Variants in NKIRAS1 observed in about 807,000 individuals in gnomAD.
NKIRAS1 encodes the protein NFKB inhibitor interacting Ras like 1.
NKIRAS1 carries 16 observed loss-of-function variants against 19.8 expected under a neutral mutation model. The ratio of observed to expected loss-of-function variants is 0.81; its 90% CI spans 0.55 to 1.23. The LOEUF (loss-of-function observed/expected upper bound fraction) is 1.23, where lower values mean the gene tolerates loss of function less well. Among genes scored for constraint, NKIRAS1 ranks in the 50% most tolerant of loss-of-function variants. The pLI, the probability that NKIRAS1 is intolerant of heterozygous loss-of-function variation, is 0.00. For missense variants in NKIRAS1, 184 were observed against 220.0 expected, an observed-to-expected ratio of 0.84 and a Z score of 1.04; for synonymous variants, 88 against 79.0, an observed-to-expected ratio of 1.11 and a Z score of -0.61.
chr3:23,914,906 T>C (rs1374809470), intron 1 of NKIRAS1, among the ~76,000 whole-genome samples: 2 of 152,244 alleles, frequency 1.3e-5, no homozygotes, highest in East Asian at 3.8e-4. Context: ...GCAGCGTACC[T>C]ACAGTAGCAC....
chr3:23,915,988 A>T (rs554062670), intron 1 of NKIRAS1: 1 of 152,346 alleles, frequency 6.6e-6, no homozygotes, highest in South Asian at 2.1e-4. Flanking sequence ...GAAGGCCAAA[A>T]ATTCTGCGTT....
At chr3:23,925,812 T>A (rs1559514876) in intron 1 of NKIRAS1, among the ~76,000 whole-genome samples, 1 of 152,216 alleles carries the variant, frequency 6.6e-6, no homozygotes, top group Admixed American at 6.5e-5. Flanking sequence ...TTCCTTGCTG[T>A]ATACCCACAA....
chr3:23,918,607 A>G (rs536432692), upstream of NKIRAS1: 2 of 1,607,176 alleles, frequency 1.2e-6, no homozygotes, highest in African/African-American at 2.7e-5. Context: ...GTTATATTGA[A>G]TACTGCCTGG....
Position 23,910,824 on chromosome 3 carries a change from T to C in NKIRAS1, c.81A>G (p.Gly27=), listed in dbSNP as rs1192715876. The C allele has an allele frequency of 2.5e-6, 4 of 1,612,780 alleles. No homozygotes were observed. The highest frequency in any genetic ancestry group is 2.5e-6 in the Non-Finnish European group (3 of 1,178,900). ...KTAILEQLLY[G]NHTIGMEDCE... ...AAACAATCTTACCAATAGTATGATT[T>C]CCATAAAGGAGCTGCTCCAAAATTG... The change falls in exon 3 of 5, where the codon GGA becomes GGG. Residue 27 remains glycine, a synonymous_variant. Coordinates refer to ENST00000425478, the MANE Select transcript of NKIRAS1 (RefSeq NM_020345.4).
At chr3:23,920,620 CTT>C (rs1705025711), upstream of NKIRAS1, 10 of 984,978 alleles carry the variant, frequency 1.0e-5, no homozygotes, top group African/African-American at 1.7e-5. Context: ...TAAATTCTGA[CTT>C]TGCTGACTTA....
At chr3:23,940,910 C>T (rs942540049) in intron 1 of NKIRAS1, among the ~76,000 whole-genome samples, 1 of 152,188 alleles carries the variant, frequency 6.6e-6, no homozygotes. Flanking sequence ...CTATTTGTTG[C>T]TATGTGATGA....
intron 4 of NKIRAS1, among the ~76,000 whole-genome samples, chr3:23,899,004 C>G (rs1052825120): frequency 2.0e-5 from 3 of 152,190 alleles, no homozygotes; most frequent in African/African-American, 7.2e-5. Flanking sequence ...TGAGGTGGAA[C>G]AGCTTCATCC....
At chr3:23,898,821 G>A (rs551048124) in intron 4 of NKIRAS1, among the ~76,000 whole-genome samples, 5 of 152,188 alleles carry the variant, frequency 3.3e-5, no homozygotes, top group South Asian at 2.1e-4. Flanking sequence ...GTTAGGAACC[G>A]GGCCACACAA....
intron 1 of NKIRAS1, among the ~76,000 whole-genome samples, chr3:23,939,031 G>A (rs1026422208): frequency 1.3e-5 from 2 of 152,204 alleles, no homozygotes; most frequent in Non-Finnish European, 2.9e-5. Context: ...AGCCAGAAAT[G>A]CCCAGCCAAG....
intron 1 of NKIRAS1, among the ~76,000 whole-genome samples, chr3:23,944,789 G>A (rs1189659157): frequency 1.4e-5 from 2 of 143,814 alleles, no homozygotes; most frequent in East Asian, 2.1e-4. Flanking sequence ...AAAGGGAAGG[G>A]TCTGTGCCCT....
chr3:23,898,087 T>C (rs1226950934), intron 4 of NKIRAS1, among the ~76,000 whole-genome samples: 5 of 151,982 alleles, frequency 3.3e-5, no homozygotes, highest in Admixed American at 3.3e-4. Flanking sequence ...CCTTTCAACT[T>C]TTGTGGGGCA....
upstream of NKIRAS1, chr3:23,918,390 G>A (rs113395170): frequency 0.016 from 25,979 of 1,595,466 alleles, 238 homozygotes; most frequent in Non-Finnish European, 0.02. Context: ...TGAGTCTTAA[G>A]CCTTACGGCT....
intron 3 of NKIRAS1, among the ~76,000 whole-genome samples, chr3:23,904,070 T>C (rs1702781978): frequency 6.6e-6 from 1 of 152,012 alleles, no homozygotes; most frequent in Admixed American, 6.6e-5. Flanking sequence ...GAGGCTGAAG[T>C]GGGAGAATTG....
intron 3 of NKIRAS1, among the ~76,000 whole-genome samples, chr3:23,908,973 GCTGTGAGCCATCACGC>G (rs1297508805): frequency 1.3e-5 from 2 of 151,156 alleles, no homozygotes; most frequent in Non-Finnish European, 2.9e-5. Context: ...AGATTACCAA[GCTGTGAGCCATCACGC>G]CTGGCCACGG....
At chr3:23,900,641 CA>C (rs57762803) in intron 4 of NKIRAS1, among the ~76,000 whole-genome samples, 166 bp downstream of exon 4, 1,940 of 114,098 alleles carry the variant, frequency 0.017, 16 homozygotes, top group Non-Finnish European at 0.025. Context: ...GACTCCGTCT[CA>C]AAAAAAAAAA....
intron 1 of NKIRAS1, among the ~76,000 whole-genome samples, chr3:23,938,490 G>A (rs7616154): frequency 0.64 from 97,523 of 152,030 alleles, 31,494 homozygotes; most frequent in Middle Eastern, 0.73. Flanking sequence ...ATGATTACAG[G>A]TGTGAGCCAC....
upstream of NKIRAS1, chr3:23,919,092 G>C (rs1466082030): frequency 2.7e-6 from 2 of 752,422 alleles, no homozygotes; most frequent in Non-Finnish European, 4.5e-6. Context: ...AGTAGTAAAA[G>C]ACTCTTGTCT....
At chr3:23,919,018 G>A, upstream of NKIRAS1, 1 of 608,372 alleles carries the variant, frequency 1.6e-6, no homozygotes, top group Non-Finnish European at 2.9e-6. Flanking sequence ...TGTTGTTTTA[G>A]CAAGTCTACA....
At chr3:23,934,517 G>A (rs1239916313) in intron 1 of NKIRAS1, among the ~76,000 whole-genome samples, 2 of 152,198 alleles carry the variant, frequency 1.3e-5, no homozygotes, top group Admixed American at 6.5e-5. Context: ...TACTGCAAAT[G>A]TGTTAAAAAT....
Sources: gnomAD v4.1 joint callset for allele counts (sites outside exome capture counted in the v4.1 genomes callset) on GRCh38, gnomAD v4.1.1 for gene constraint, MANE v1.5 for transcripts, NCBI Gene and HGNC (gene_info 2026-07-23, HGNC 2026-07-21) for gene names.